The following MBNL2 variants were observed in gnomAD, a reference collection of about 807,000 sequenced individuals.
MBNL2 encodes muscleblind like splicing regulator 2.
In MBNL2, 17 loss-of-function variants were observed where a neutral mutation model predicts 41.9. That is an observed-to-expected ratio of 0.41 (90% CI 0.28 to 0.61). The LOEUF (loss-of-function observed/expected upper bound fraction) is 0.61, where lower values mean the gene tolerates loss of function less well. Ranked by LOEUF, MBNL2 falls within the 20% of genes least tolerant of loss-of-function variation. The probability of loss-of-function intolerance (pLI) is 0.35; values close to 1 mark genes in which losing one functional copy is unlikely to be tolerated. For missense variants in MBNL2, 336 were observed against 505.6 expected, an observed-to-expected ratio of 0.66 and a Z score of 3.22; for synonymous variants, 195 against 182.9, an observed-to-expected ratio of 1.07 and a Z score of -0.53.
At chr13:97,250,538 AT>A (rs35253440) in intron 1 of MBNL2, among the ~76,000 whole-genome samples, 113,764 of 151,304 alleles carry the variant, frequency 0.75, 43,182 homozygotes, top group African/African-American at 0.87. Flanking sequence ...GCTCTCTTCA[AT>A]TTTTTTTTTA....
chr13:97,297,733 A>G (rs2057207589), intron 2 of MBNL2, among the ~76,000 whole-genome samples: 1 of 152,222 alleles, frequency 6.6e-6, no homozygotes, highest in African/African-American at 2.4e-5. Flanking sequence ...GGAAGAGTTG[A>G]TGAAGGAGTC....
intron 2 of MBNL2, among the ~76,000 whole-genome samples, chr13:97,299,291 G>C (rs1385829484): frequency 6.6e-6 from 1 of 152,080 alleles, no homozygotes; most frequent in Non-Finnish European, 1.5e-5. Flanking sequence ...AGGGAACTAT[G>C]CACTATCATA....
intron 2 of MBNL2, among the ~76,000 whole-genome samples, chr13:97,327,174 C>T (rs1256439755): frequency 1.3e-5 from 2 of 152,178 alleles, no homozygotes; most frequent in South Asian, 2.1e-4. Flanking sequence ...ATTTTCACTT[C>T]CAAGCTGTGT....
At chr13:97,303,950 G>A (rs185944247) in intron 2 of MBNL2, among the ~76,000 whole-genome samples, 56 of 152,282 alleles carry the variant, frequency 3.7e-4, no homozygotes, top group African/African-American at 1.2e-3. Context: ...GATATACACC[G>A]ACTCTTTTGG....
intron 2 of MBNL2, among the ~76,000 whole-genome samples, chr13:97,307,643 G>T (rs527734334): frequency 6.6e-6 from 1 of 152,156 alleles, no homozygotes; most frequent in Admixed American, 6.5e-5. Flanking sequence ...TATAAACACT[G>T]AAAAATTTAA....
intron 2 of MBNL2, among the ~76,000 whole-genome samples, chr13:97,324,496 T>C (rs2059757571): frequency 6.6e-6 from 1 of 152,148 alleles, no homozygotes; most frequent in South Asian, 2.1e-4. Context: ...CATTAATGAA[T>C]GTGGTATCAA....
rs1205883417 is a variant in MBNL2, at chr13:97,346,569, G to C, written c.541-235G>C. Reference sequence around the variant, plus strand: ...TTATTTTAGCTGAACTGCAGATTTCGTATTATTTTCTCAATATAGATTTTC... The same window carrying C: ...TTATTTTAGCTGAACTGCAGATTTCCTATTATTTTCTCAATATAGATTTTC... On this transcript the variant is annotated intron_variant, in intron 4 of 8. Coordinates refer to ENST00000679496, the MANE Select transcript of MBNL2 (RefSeq NM_001382683.1). The surrounding 1 kb of genome is among the most constrained non-coding windows in gnomAD (Gnocchi z 4.2). Among the ~76,000 whole-genome samples, 2 of 152,258 alleles carry C rather than the reference G, an allele frequency of 1.3e-5. No individual in the cohort carries two copies. The highest frequency in any genetic ancestry group is 3.9e-4 in the East Asian group (2 of 5,182).
chr13:97,298,692 A>G lies in MBNL2; in HGVS notation c.174+22283A>G, dbSNP rs552982527. Reference sequence around the variant, plus strand: ...ATTCTTTTCTGTCAATAAATCACCAATAAGTTTCTGTTTAAGGACTTAGCA... The same window carrying G: ...ATTCTTTTCTGTCAATAAATCACCAGTAAGTTTCTGTTTAAGGACTTAGCA... On this transcript the variant is annotated intron_variant, in intron 2 of 8. Coordinates refer to ENST00000679496, the MANE Select transcript of MBNL2 (RefSeq NM_001382683.1). Among the ~76,000 whole-genome samples the G allele has an allele frequency of 5.3e-5, 8 of 152,316 alleles. No homozygotes were observed. In the East Asian group the frequency reaches 9.6e-4, roughly 18 times the overall value.
In MBNL2 at chr13:97,334,540, G is replaced by A. The variant is rs920867489; in HGVS notation, c.339+100G>A. 11 of 790,228 alleles carry A rather than the reference G, an allele frequency of 1.4e-5. No individual in the cohort carries two copies. The highest frequency in any genetic ancestry group is 2.1e-5 in the Non-Finnish European group (11 of 519,164). 49.0% of individuals were successfully genotyped at this position (790,228 alleles called of 1,614,324 possible). The stretch of plus-strand genomic sequence containing the variant: ...TGGCCTCTCTCCACTTTGTCACTTT[G>A]GTTACAATTAAAGCAAATAGCTTTA... On this transcript the variant is annotated intron_variant, in intron 3 of 8. Transcript: ENST00000679496. This position sits in a 1 kb window ranked among gnomAD's most constrained non-coding sequence, Gnocchi z 5.3.
At chr13:97,317,417 G>T (rs1249231871) in intron 2 of MBNL2, among the ~76,000 whole-genome samples, 3 of 152,168 alleles carry the variant, frequency 2.0e-5, no homozygotes, top group Non-Finnish European at 4.4e-5. Context: ...TTTCATATTG[G>T]GGTCATCTGA....
rs2060676428 is a variant in MBNL2 at position 97,334,148 on chromosome 13, C to CACACACA, written c.175-128_175-127insACACACA. On this transcript the variant is annotated intron_variant, in intron 2 of 8. Coordinates refer to ENST00000679496, the MANE Select transcript of MBNL2 (RefSeq NM_001382683.1). This position sits in a 1 kb window ranked among gnomAD's most constrained non-coding sequence, Gnocchi z 5.3. The stretch of plus-strand genomic sequence containing the variant: ...AACACATGAGCATGCGCGCGCACAC[C>CACACACA]CACACACACACACACACACACACAC... 7 of 547,336 alleles carry CACACACA rather than the reference C, an allele frequency of 1.3e-5. No homozygotes were observed. Among genetic ancestry groups the CACACACA allele is most frequent in the South Asian group, 2.8e-5 (1 of 35,828 alleles). 33.9% of individuals were successfully genotyped at this position (547,336 alleles called of 1,614,324 possible).
the MBNL2 span, among the ~76,000 whole-genome samples, chr13:97,194,605 T>C: frequency 2.0e-5 from 3 of 152,210 alleles, no homozygotes; most frequent in South Asian, 6.2e-4. Context: ...CATTCTTAGT[T>C]ACAGGATGAG....
intron 1 of MBNL2, among the ~76,000 whole-genome samples, chr13:97,224,518 C>T (rs778501459): frequency 1.3e-4 from 20 of 151,136 alleles, no homozygotes; most frequent in Non-Finnish European, 2.7e-4. Flanking sequence ...TGACTACTCA[C>T]GTAGTTTTGA....
In MBNL2 at chr13:97,268,089, C is replaced by CTTCCTTCCTTCCTTCT. The variant is rs1555307687; in HGVS notation, c.-604-7529_-604-7528insCTTTCCTTCCTTCCTT. On this transcript the variant is annotated intron_variant, in intron 1 of 8. Coordinates refer to ENST00000679496, the MANE Select transcript of MBNL2 (RefSeq NM_001382683.1). The surrounding 1 kb of genome is among the most constrained non-coding windows in gnomAD (Gnocchi z 4.6). The stretch of plus-strand genomic sequence containing the variant: ...TCTTTTTTCTTTCCTTCCTTCCTTC[C>CTTCCTTCCTTCCTTCT]TTCCTTCCTTCCTTTCTTTCTTTTG... 2.8e-4 allele frequency among the ~76,000 whole-genome samples: 43 copies of CTTCCTTCCTTCCTTCT among 151,210 alleles called. 1 individual carries two copies. The highest frequency in any genetic ancestry group is 5.3e-4 in the Admixed American group (8 of 15,144).
intron 1 of MBNL2, among the ~76,000 whole-genome samples, chr13:97,265,970 G>A (rs1241923641): frequency 3.3e-5 from 5 of 152,034 alleles, no homozygotes; most frequent in Admixed American, 1.3e-4. Flanking sequence ...GGCCGGGCAC[G>A]GTGGCTCACC....
the MBNL2 span, among the ~76,000 whole-genome samples, chr13:97,179,964 A>G: frequency 5.2e-4 from 79 of 152,362 alleles, no homozygotes; most frequent in African/African-American, 1.8e-3. Flanking sequence ...GTTCAATTGC[A>G]TAGAGCATGA....
intron 2 of MBNL2, among the ~76,000 whole-genome samples, chr13:97,287,920 T>G (rs1044618146): frequency 1.3e-4 from 15 of 118,268 alleles, no homozygotes; most frequent in Non-Finnish European, 1.9e-4. Context: ...AATTTTCTGT[T>G]TTTTTTTTGT....
the MBNL2 span, among the ~76,000 whole-genome samples, chr13:97,176,097 T>G: frequency 2.9e-3 from 449 of 152,284 alleles, 5 homozygotes; most frequent in South Asian, 0.014. Context: ...AAACACATGC[T>G]TCCCTCCTCT....
chr13:97,254,232 G>T (rs1051431306), intron 1 of MBNL2, among the ~76,000 whole-genome samples: 5 of 152,174 alleles, frequency 3.3e-5, no homozygotes, highest in African/African-American at 1.2e-4. Context: ...ATTAAATGCT[G>T]CTGAGTAAGA....
Sources: gnomAD v4.1 joint callset for allele counts (sites outside exome capture counted in the v4.1 genomes callset) on GRCh38, gnomAD v4.1.1 for gene constraint, Gnocchi (gnomAD v3.1) non-coding constraint, MANE v1.5 for transcripts, NCBI Gene and HGNC (gene_info 2026-07-23, HGNC 2026-07-21) for gene names.